Variants in PTPRM observed in about 807,000 individuals in gnomAD.
PTPRM encodes the protein receptor-type tyrosine-protein phosphatase mu.
In PTPRM, 47 loss-of-function variants were observed where a neutral mutation model predicts 186.7. The ratio of observed to expected loss-of-function variants is 0.25; its 90% CI spans 0.20 to 0.32. PTPRM has a LOEUF of 0.32. PTPRM is among the 10% of genes least tolerant of loss of function. The pLI is 1.00. For synonymous variants in PTPRM, 668 were observed against 674.9 expected (o/e 0.99, Z 0.16); for missense variants, 1,494 against 1,865.0 (o/e 0.80, Z 3.66).
intron 1 of PTPRM, among the ~76,000 whole-genome samples, chr18:7,682,895 CTT>C (rs2039511723): frequency 6.6e-6 from 1 of 152,028 alleles, no homozygotes; most frequent in Admixed American, 6.6e-5. Flanking sequence ...ACTCTGGATA[CTT>C]TTTTAGTGTT....
chr18:7,804,967 G>T (rs562159819), intron 2 of PTPRM, among the ~76,000 whole-genome samples: 260 of 152,214 alleles, frequency 1.7e-3, no homozygotes, highest in African/African-American at 6.0e-3. Flanking sequence ...TTGTAAATGG[G>T]GCATCTCTTT....
rs958452546 is a variant in PTPRM, at chr18:7,831,772, C to T, written c.197-56334C>T. Among the ~76,000 whole-genome samples the T allele has an allele frequency of 5.9e-5, 9 of 152,138 alleles. No individual in the cohort carries two copies. In the East Asian group the frequency reaches 1.7e-3, roughly 29 times the overall value. On this transcript the variant is annotated intron_variant, in intron 2 of 32. Coordinates refer to ENST00000580170, the MANE Select transcript of PTPRM (RefSeq NM_001105244.2). ...CCTTCATCTCCACTTCCCTCCTAACCCCGCATTACCCTTCCCAGCCTCTAG... is the reference window on the plus strand; with the variant it reads ...CCTTCATCTCCACTTCCCTCCTAACTCCGCATTACCCTTCCCAGCCTCTAG...
At chr18:8,317,271 C>T (rs2095315162) in intron 21 of PTPRM, among the ~76,000 whole-genome samples, 1 of 151,928 alleles carries the variant, frequency 6.6e-6, no homozygotes, top group African/African-American at 2.4e-5. Context: ...GATTTGCTGG[C>T]AGATTGGCTA....
At chr18:7,814,349 C>T (rs2044690749) in intron 2 of PTPRM, 1 of 152,150 alleles carries the variant, frequency 6.6e-6, no homozygotes, top group Admixed American at 6.5e-5. Flanking sequence ...AAAATTATGG[C>T]TTAGGGCTCA....
chr18:8,019,012 A>G (rs1415006353), intron 7 of PTPRM, among the ~76,000 whole-genome samples: 1 of 152,190 alleles, frequency 6.6e-6, no homozygotes, highest in African/African-American at 2.4e-5. Flanking sequence ...ACCCAGATAA[A>G]TGGTAAAGAT....
At chr18:8,398,630 C>T (rs141943557) in intron 32 of PTPRM, among the ~76,000 whole-genome samples, 275 of 152,086 alleles carry the variant, frequency 1.8e-3, no homozygotes, top group African/African-American at 6.1e-3. Flanking sequence ...ATTAGCCGGG[C>T]GTGGTGGCAG....
chr18:8,215,545 C>CTTTTTTTTTTTTTTTTTT (rs11334182), intron 14 of PTPRM, among the ~76,000 whole-genome samples: 18 of 116,336 alleles, frequency 1.5e-4, no homozygotes, highest in Non-Finnish European at 2.5e-4. Context: ...TCTTTCTTTT[C>CTTTTTTTTTTTTTTTTTT]TTTTTTTTTT....
chr18:7,738,007 T>G (rs1302753627), intron 1 of PTPRM, among the ~76,000 whole-genome samples: 1 of 152,200 alleles, frequency 6.6e-6, no homozygotes, highest in East Asian at 1.9e-4. Context: ...CAAAGATGCT[T>G]TATCAATATG....
chr18:7,930,729 G>A (rs1319092408), intron 5 of PTPRM, among the ~76,000 whole-genome samples: 1 of 152,140 alleles, frequency 6.6e-6, no homozygotes, highest in East Asian at 1.9e-4. Context: ...ATGCTTATAT[G>A]TATTACATGT....
intron 19 of PTPRM, among the ~76,000 whole-genome samples, chr18:8,289,547 T>TACAC (rs1568674811): frequency 9.4e-6 from 1 of 106,726 alleles, no homozygotes; most frequent in African/African-American, 4.6e-5. Context: ...CATATATATA[T>TACAC]ATACATATAT....
chr18:7,715,893 T>C (rs2040318137), intron 1 of PTPRM, among the ~76,000 whole-genome samples: 2 of 152,208 alleles, frequency 1.3e-5, no homozygotes, highest in Admixed American at 6.5e-5. Context: ...TCCATGTTCA[T>C]GGATAAGAAG....
intron 2 of PTPRM, among the ~76,000 whole-genome samples, chr18:7,846,492 A>G (rs911740863): frequency 1.3e-5 from 2 of 152,196 alleles, no homozygotes; most frequent in Admixed American, 1.3e-4. Flanking sequence ...CTGGTGTCCT[A>G]TGCTGTACTT....
At chr18:8,094,860 G>A (rs2090935189) in intron 11 of PTPRM, among the ~76,000 whole-genome samples, 1 of 152,084 alleles carries the variant, frequency 6.6e-6, no homozygotes, top group Non-Finnish European at 1.5e-5. Context: ...TAAAACGAGT[G>A]CATGACATAG....
chr18:8,055,875 T>A (rs1480682899), intron 7 of PTPRM, among the ~76,000 whole-genome samples: 1 of 152,194 alleles, frequency 6.6e-6, no homozygotes, highest in African/African-American at 2.4e-5. Flanking sequence ...TTGGCTTCCC[T>A]GCCCCTGGCC....
At chr18:7,858,571 A>G (rs1326297832) in intron 2 of PTPRM, among the ~76,000 whole-genome samples, 4 of 152,188 alleles carry the variant, frequency 2.6e-5, no homozygotes, top group Admixed American at 6.5e-5. Flanking sequence ...AAAACAAAAA[A>G]TAAGTAAGTT....
At position 8,130,147 on chromosome 18, in the gene PTPRM, G is replaced by A. The variant is rs539888274; in HGVS notation, c.2168-13500G>A. Among the ~76,000 whole-genome samples, 8 of 152,274 alleles carry A rather than the reference G, an allele frequency of 5.3e-5. 1 individual carries two copies. In the South Asian group the frequency reaches 1.7e-3, roughly 32 times the overall value. ...GCTGCTGTTGTTTTTAATGTGAAAG[G>A]ATCTTGGATTTGGCGTTCATTTCTG... On this transcript the variant is annotated intron_variant, in intron 13 of 32. Coordinates refer to ENST00000580170, the MANE Select transcript of PTPRM (RefSeq NM_001105244.2).
chr18:8,248,966 C>G (rs903490558), intron 17 of PTPRM, among the ~76,000 whole-genome samples: 1 of 152,178 alleles, frequency 6.6e-6, no homozygotes, highest in African/African-American at 2.4e-5. Flanking sequence ...AATGGCATTA[C>G]CTGGCTGTGA....
chr18:7,848,860 T>A (rs1158996976), intron 2 of PTPRM, among the ~76,000 whole-genome samples: 1 of 152,222 alleles, frequency 6.6e-6, no homozygotes, highest in African/African-American at 2.4e-5. Context: ...GAAGTTTTTT[T>A]TAAATTTTCA....
chr18:8,063,000 C>G (rs897788005), intron 7 of PTPRM, among the ~76,000 whole-genome samples: 5 of 150,098 alleles, frequency 3.3e-5, no homozygotes, highest in African/African-American at 1.0e-4. Flanking sequence ...TTCGAGCTTC[C>G]CGGCTGCTTT....
Sources: gnomAD v4.1 joint callset for allele counts (sites outside exome capture counted in the v4.1 genomes callset) on GRCh38, gnomAD v4.1.1 for gene constraint, MANE v1.5 for transcripts, NCBI Gene and HGNC (gene_info 2026-07-23, HGNC 2026-07-21) for gene names.